CELF4: variants seen among roughly 807,000 people sequenced by gnomAD.
CELF4 encodes CUGBP Elav-like family member 4.
Under a neutral mutation model 59.9 loss-of-function variants are expected in CELF4, and 18 were observed. That is an observed-to-expected ratio of 0.30 (90% CI 0.21 to 0.45). CELF4 has a LOEUF of 0.45. Ranked by LOEUF, CELF4 falls within the 20% of genes least tolerant of loss-of-function variation. The probability of loss-of-function intolerance (pLI) is 1.00; values close to 1 mark genes in which losing one functional copy is unlikely to be tolerated. For missense variants in CELF4, 456 were observed against 689.0 expected, an observed-to-expected ratio of 0.66 and a Z score of 3.79; for synonymous variants, 261 against 267.1, an observed-to-expected ratio of 0.98 and a Z score of 0.22.
At chr18:37,463,328 G>A (rs915543018) in intron 2 of CELF4, among the ~76,000 whole-genome samples, 1 of 152,132 alleles carries the variant, frequency 6.6e-6, no homozygotes, top group Admixed American at 6.5e-5. Context: ...AAGAGCCCAG[G>A]CAACTCCCCA....
At chr18:37,342,473 C>T (rs999581437) in intron 2 of CELF4, among the ~76,000 whole-genome samples, 2 of 152,126 alleles carry the variant, frequency 1.3e-5, no homozygotes, top group East Asian at 1.9e-4. Flanking sequence ...GGGCCTGCCT[C>T]GGAGGGTGAG....
intron 2 of CELF4, among the ~76,000 whole-genome samples, chr18:37,388,715 C>A (rs2099125530): frequency 6.6e-6 from 1 of 152,168 alleles, no homozygotes; most frequent in Non-Finnish European, 1.5e-5. Context: ...GTCCAACTTA[C>A]ATGGGAGTAG....
At chr18:37,405,821 C>T (rs745659415) in intron 2 of CELF4, among the ~76,000 whole-genome samples, 2 of 152,128 alleles carry the variant, frequency 1.3e-5, no homozygotes. Context: ...CTCTGTCTGT[C>T]CCCTTCACAC....
intron 2 of CELF4, among the ~76,000 whole-genome samples, chr18:37,343,741 G>A (rs1482683608): frequency 2.6e-5 from 4 of 152,022 alleles, no homozygotes; most frequent in African/African-American, 4.8e-5. Context: ...GATGCTGCTC[G>A]TGTTCCGTGC....
rs762104660 is a variant in CELF4 at position 37,321,771 on chromosome 18, A to AG, written c.448+31dup. On this transcript the variant is annotated intron_variant, in intron 3 of 12. Coordinates refer to ENST00000420428, the MANE Select transcript of CELF4 (RefSeq NM_020180.4). ...AAAAGGAGGGAGGAGTGAGAGGGGG[A>AG]GGGGGAGGGGCAGAGACAAGTGGGC... 4.8e-6 allele frequency: 7 copies of AG among 1,453,934 alleles called. No individual in the cohort carries two copies. The East Asian group carries it at 9.3e-5, about 19-fold the overall frequency. 90.1% of individuals were successfully genotyped at this position (1,453,934 alleles called of 1,614,324 possible). A position where few individuals can be genotyped will look rare whatever the true frequency, so the allele number is the denominator to read the frequency against.
At chr18:37,297,905 G>A (rs997269758) in intron 3 of CELF4, among the ~76,000 whole-genome samples, 6 of 152,188 alleles carry the variant, frequency 3.9e-5, no homozygotes, top group Non-Finnish European at 8.8e-5. Flanking sequence ...TGGCCGTCAA[G>A]TTAGCAGGCT....
intron 2 of CELF4, among the ~76,000 whole-genome samples, chr18:37,460,012 CA>C (rs1316845554): frequency 6.6e-6 from 1 of 152,136 alleles, no homozygotes; most frequent in Non-Finnish European, 1.5e-5. Context: ...GTACTTGTTA[CA>C]AAAACCTAGC....
At chr18:37,525,564 G>A (rs760172648) in intron 1 of CELF4, among the ~76,000 whole-genome samples, 1 of 141,028 alleles carries the variant, frequency 7.1e-6, no homozygotes, top group Non-Finnish European at 1.5e-5. Context: ...CATTTCTCGG[G>A]GACAATCTTC....
intron 1 of CELF4, among the ~76,000 whole-genome samples, chr18:37,527,325 G>A (rs1182985625): frequency 6.6e-6 from 1 of 151,856 alleles, no homozygotes; most frequent in Non-Finnish European, 1.5e-5. Context: ...ACGGACCCAA[G>A]CAGGAGAGGA....
chr18:37,530,674 T>C (rs2099968617), intron 1 of CELF4, among the ~76,000 whole-genome samples: 2 of 152,136 alleles, frequency 1.3e-5, no homozygotes, highest in African/African-American at 4.8e-5. Flanking sequence ...TTTGTTTCAC[T>C]TTCTCTTCCT....
intron 1 of CELF4, among the ~76,000 whole-genome samples, chr18:37,508,958 C>A (rs1443744537): frequency 3.9e-5 from 6 of 152,190 alleles, no homozygotes; most frequent in African/African-American, 1.4e-4. Context: ...TCAACCTGTT[C>A]TTCTGCCTCC....
At chr18:37,530,179 T>A (rs2099968053) in intron 1 of CELF4, among the ~76,000 whole-genome samples, 1 of 152,226 alleles carries the variant, frequency 6.6e-6, no homozygotes, top group Non-Finnish European at 1.5e-5. Flanking sequence ...TTATTCATAA[T>A]AAGACTGACA....
intron 2 of CELF4, among the ~76,000 whole-genome samples, chr18:37,411,157 A>C (rs541662427): frequency 1.3e-5 from 2 of 151,930 alleles, no homozygotes; most frequent in East Asian, 3.9e-4. Context: ...GGGTCTCACT[A>C]TGTGCCCAAG....
At chr18:37,500,583 G>T (rs2099930569) in intron 1 of CELF4, among the ~76,000 whole-genome samples, 1 of 149,590 alleles carries the variant, frequency 6.7e-6, no homozygotes, top group Non-Finnish European at 1.5e-5. Context: ...GCCCAGGCTG[G>T]AGTGCAGTGG....
intron 1 of CELF4, among the ~76,000 whole-genome samples, chr18:37,556,082 T>C (rs982436422): frequency 2.6e-5 from 4 of 152,206 alleles, no homozygotes; most frequent in African/African-American, 9.6e-5. Flanking sequence ...TACACTGTGA[T>C]GTAGCGTTTG....
intron 3 of CELF4, among the ~76,000 whole-genome samples, chr18:37,292,197 G>A (rs1338830842): frequency 1.3e-5 from 2 of 152,092 alleles, no homozygotes; most frequent in Non-Finnish European, 2.9e-5. Flanking sequence ...TAAGCTACCT[G>A]GTTTATGGTA....
At chr18:37,380,081 G>C (rs371228112) in intron 2 of CELF4, among the ~76,000 whole-genome samples, 1 of 152,028 alleles carries the variant, frequency 6.6e-6, no homozygotes, top group Non-Finnish European at 1.5e-5. Context: ...CCACTCTCCC[G>C]TCCAGTTGTC....
chr18:37,444,652 A>ACACACACACG (rs71168259), intron 2 of CELF4, among the ~76,000 whole-genome samples: 6 of 144,186 alleles, frequency 4.2e-5, no homozygotes, highest in African/African-American at 7.8e-5. Context: ...ACACACACAC[A>ACACACACACG]CGCGAACGAT....
chr18:37,259,165 G>A lies in CELF4; in HGVS notation c.1333+16C>T, dbSNP rs199661532. 5.1e-5 allele frequency: 82 copies of A among 1,613,380 alleles called. No homozygotes were observed. Among genetic ancestry groups the A allele is most frequent in the East Asian group, 2.2e-5 (1 of 44,834 alleles). ...AGTCGCCCGATCCACAAACACTTTC[G>A]AGGAGATGACATTACCGAAAGGGAG... On this transcript the variant is annotated intron_variant, in intron 11 of 12. Transcript: ENST00000420428.
Sources: gnomAD v4.1 joint callset for allele counts (sites outside exome capture counted in the v4.1 genomes callset) on GRCh38, gnomAD v4.1.1 for gene constraint, MANE v1.5 for transcripts, NCBI Gene and HGNC (gene_info 2026-07-23, HGNC 2026-07-21) for gene names.